GABRG3: variants seen among roughly 807,000 people sequenced by gnomAD.
The protein encoded by GABRG3 is gamma-aminobutyric acid type A receptor subunit gamma3, also known as gamma-aminobutyric acid receptor subunit gamma-3.
In GABRG3, 25 loss-of-function variants were observed where a neutral mutation model predicts 48.8. The observed-to-expected ratio is 0.51, with a 90% CI of 0.37 to 0.72. The LOEUF (loss-of-function observed/expected upper bound fraction) is 0.72, where lower values mean the gene tolerates loss of function less well. Ranked by LOEUF, GABRG3 falls within the 30% of genes least tolerant of loss-of-function variation. The pLI is 0.00. For missense variants in GABRG3, 394 were observed against 577.9 expected, an observed-to-expected ratio of 0.68 and a Z score of 3.26; for synonymous variants, 227 against 217.6, an observed-to-expected ratio of 1.04 and a Z score of -0.38.
At chr15:27,105,402 A>G (rs906295522) in intron 3 of GABRG3, among the ~76,000 whole-genome samples, 4 of 152,174 alleles carry the variant, frequency 2.6e-5, no homozygotes, top group African/African-American at 7.2e-5. Context: ...ATCAACCAAC[A>G]AGATCTAGGT....
At chr15:27,426,407 G>A (rs1429812378) in intron 5 of GABRG3, among the ~76,000 whole-genome samples, 3 of 152,184 alleles carry the variant, frequency 2.0e-5, no homozygotes, top group Non-Finnish European at 2.9e-5. Flanking sequence ...TGTCCAAGCT[G>A]AGGACATATG....
chr15:27,186,215 A>G (rs1888092997), intron 3 of GABRG3, among the ~76,000 whole-genome samples: 1 of 152,070 alleles, frequency 6.6e-6, no homozygotes, highest in Non-Finnish European at 1.5e-5. Flanking sequence ...TATTGACCCC[A>G]TCTTTATGTC....
chr15:27,391,235 A>C (rs1441702629), intron 5 of GABRG3, among the ~76,000 whole-genome samples: 2 of 152,232 alleles, frequency 1.3e-5, no homozygotes, highest in Non-Finnish European at 2.9e-5. Context: ...TAGTTCTATT[A>C]CACTTGTAAA....
chr15:27,193,316 C>T (rs1360108022), intron 3 of GABRG3, among the ~76,000 whole-genome samples: 1 of 152,050 alleles, frequency 6.6e-6, no homozygotes, highest in Non-Finnish European at 1.5e-5. Flanking sequence ...TGCCCTGCCC[C>T]CAGAGGTGAA....
At chr15:27,273,441 A>G (rs1891152383) in intron 3 of GABRG3, among the ~76,000 whole-genome samples, 4 of 152,176 alleles carry the variant, frequency 2.6e-5, no homozygotes, top group Admixed American at 2.6e-4. Flanking sequence ...ACTTGTTTTG[A>G]TCCATCACTA....
chr15:27,469,148 A>G (rs910412967), intron 5 of GABRG3, among the ~76,000 whole-genome samples: 2 of 152,102 alleles, frequency 1.3e-5, no homozygotes, highest in Non-Finnish European at 2.9e-5. Context: ...GCTACCTCTA[A>G]CAGACATGCC....
intron 3 of GABRG3, among the ~76,000 whole-genome samples, chr15:27,085,961 C>A (rs1018654514): frequency 1.3e-5 from 2 of 152,080 alleles, no homozygotes; most frequent in African/African-American, 2.4e-5. Flanking sequence ...TTAAACATTT[C>A]ATTGAAGAAC....
chr15:27,190,983 C>T (rs1412760211), intron 3 of GABRG3, among the ~76,000 whole-genome samples: 2 of 152,070 alleles, frequency 1.3e-5, no homozygotes, highest in Non-Finnish European at 2.9e-5. Context: ...TCGTTATGTA[C>T]CCAGTAGTCA....
chr15:27,032,929 C>T (rs1156969812), intron 3 of GABRG3, among the ~76,000 whole-genome samples: 2 of 152,164 alleles, frequency 1.3e-5, no homozygotes, highest in Admixed American at 1.3e-4. Flanking sequence ...CTTTCTGCAT[C>T]GTTCCCCAGA....
intron 3 of GABRG3, among the ~76,000 whole-genome samples, chr15:27,209,696 G>C (rs1479446958): frequency 2.0e-5 from 3 of 152,186 alleles, no homozygotes; most frequent in African/African-American, 7.2e-5. Flanking sequence ...GAGGCCACAG[G>C]AACCCTAGGA....
chr15:27,461,989 A>G (rs910065993), intron 5 of GABRG3, among the ~76,000 whole-genome samples: 2 of 152,052 alleles, frequency 1.3e-5, no homozygotes, highest in Non-Finnish European at 2.9e-5. Flanking sequence ...GAACATGCCC[A>G]TTGTCTGCCA....
At chr15:27,066,930 C>T (rs1896747695) in intron 3 of GABRG3, among the ~76,000 whole-genome samples, 1 of 152,180 alleles carries the variant, frequency 6.6e-6, no homozygotes. Flanking sequence ...ACAGAAACCA[C>T]AACTACATAC....
intron 6 of GABRG3, among the ~76,000 whole-genome samples, chr15:27,516,630 C>T (rs12594265): frequency 0.56 from 84,951 of 152,016 alleles, 23,892 homozygotes; most frequent in East Asian, 0.67. Flanking sequence ...TGAAATTGAC[C>T]GTGTCAGAGG....
At chr15:27,214,875 G>T (rs751872083) in intron 3 of GABRG3, among the ~76,000 whole-genome samples, 8 of 152,274 alleles carry the variant, frequency 5.3e-5, no homozygotes, top group Non-Finnish European at 1.2e-4. Flanking sequence ...TTCTCTGCCA[G>T]TCTGTTCTTC....
At chr15:27,515,328 G>C (rs1454384280) in intron 6 of GABRG3, among the ~76,000 whole-genome samples, 1 of 151,982 alleles carries the variant, frequency 6.6e-6, no homozygotes, top group Non-Finnish European at 1.5e-5. Flanking sequence ...TCCTGACCTC[G>C]GGTTATCCAC....
At chr15:27,173,948 C>A (rs1887657537) in intron 3 of GABRG3, among the ~76,000 whole-genome samples, 1 of 152,102 alleles carries the variant, frequency 6.6e-6, no homozygotes, top group Non-Finnish European at 1.5e-5. Flanking sequence ...TAATAAAACT[C>A]TGTTTACCTA....
At chr15:27,346,171 C>G (rs978650334) in intron 5 of GABRG3, among the ~76,000 whole-genome samples, 2 of 152,018 alleles carry the variant, frequency 1.3e-5, no homozygotes, top group Non-Finnish European at 2.9e-5. Flanking sequence ...CTATATTTCT[C>G]TTTTGAGGGA....
At position 26,971,456 on chromosome 15, in the gene GABRG3, C is replaced by G; in HGVS notation, c.-80C>G. 4.1e-6 allele frequency: 5 copies of G among 1,229,202 alleles called. No individual in the cohort carries two copies. Among genetic ancestry groups the G allele is most frequent in the Non-Finnish European group, 5.4e-6 (5 of 917,920 alleles). 76.1% of individuals were successfully genotyped at this position (1,229,202 alleles called of 1,614,324 possible). On this transcript the variant is annotated 5_prime_UTR_variant, in exon 1 of 10. Coordinates refer to ENST00000615808, the MANE Select transcript of GABRG3 (RefSeq NM_033223.5). ...TCGGAGGAAGCCAGGGCAAAGAGGGCCGGCGGAGACCAGGTCCGCGCCGGA... is the reference window on the plus strand; with the variant it reads ...TCGGAGGAAGCCAGGGCAAAGAGGGGCGGCGGAGACCAGGTCCGCGCCGGA...
intron 3 of GABRG3, among the ~76,000 whole-genome samples, chr15:27,151,246 CA>C (rs1898306432): frequency 6.6e-6 from 1 of 152,092 alleles, no homozygotes; most frequent in Non-Finnish European, 1.5e-5. Flanking sequence ...CTCATGCTCT[CA>C]CTCCCTACTT....
Sources: allele counts gnomAD v4.1 joint callset (sites outside exome capture counted in the v4.1 genomes callset), GRCh38; gene constraint gnomAD v4.1.1; transcripts MANE v1.5; gene names NCBI Gene and HGNC (gene_info 2026-07-23, HGNC 2026-07-21).